PRKCA: variants seen among roughly 807,000 people sequenced by gnomAD.
PRKCA encodes protein kinase C alpha type.
PRKCA carries 27 observed loss-of-function variants against 87.0 expected under a neutral mutation model. The ratio of observed to expected loss-of-function variants is 0.31; its 90% confidence interval spans 0.23 to 0.43. The LOEUF (loss-of-function observed/expected upper bound fraction) is 0.43. PRKCA is among the 20% of genes least tolerant of loss of function. The probability of loss-of-function intolerance (pLI) is 1.00; values close to 1 mark genes in which losing one functional copy is unlikely to be tolerated. For synonymous variants in PRKCA, 329 were observed against 311.1 expected, an observed-to-expected ratio of 1.06 and a Z score of -0.61; for missense variants, 518 against 852.3, an observed-to-expected ratio of 0.61 and a Z score of 4.88.
At chr17:66,404,464 G>A (rs1159661231) in intron 2 of PRKCA, among the ~76,000 whole-genome samples, 1 of 152,132 alleles carries the variant, frequency 6.6e-6, no homozygotes, top group Non-Finnish European at 1.5e-5. Flanking sequence ...ACTATTCTTA[G>A]TGTTTATGTC....
intron 8 of PRKCA, among the ~76,000 whole-genome samples, chr17:66,725,617 C>T (rs1325901818): frequency 2.0e-5 from 3 of 151,368 alleles, no homozygotes; most frequent in Non-Finnish European, 4.4e-5. Flanking sequence ...TTGAGACCAG[C>T]CTGGGCAACA....
chr17:66,724,247 GA>G (rs1973686311), intron 8 of PRKCA, among the ~76,000 whole-genome samples: 1 of 151,162 alleles, frequency 6.6e-6, no homozygotes, highest in African/African-American at 2.4e-5. Context: ...AGTGAGCCAA[GA>G]TCGCGCCACT....
intron 2 of PRKCA, among the ~76,000 whole-genome samples, chr17:66,331,656 A>G (rs369961799): frequency 2.9e-4 from 44 of 152,202 alleles, no homozygotes; most frequent in Non-Finnish European, 4.1e-4. Flanking sequence ...CTTCAGCTCA[A>G]AAACACTTCC....
In PRKCA at chr17:66,319,781, G is replaced by A. The variant is rs181917667; in HGVS notation, c.205+13654G>A. Among the ~76,000 whole-genome samples the A allele has an allele frequency of 8.6e-5, 13 of 151,082 alleles. No individual in the cohort carries two copies. In the East Asian group the frequency reaches 1.4e-3, roughly 16 times the overall value. On this transcript the variant is annotated intron_variant, in intron 2 of 16. Coordinates refer to ENST00000413366, the MANE Select transcript of PRKCA (RefSeq NM_002737.3). ...ATTTGAGACAGAGTCTTGCTCTGTCGCTCAAGGTGGGGTACAGTGGTGTGA... is the reference window on the plus strand; with the variant it reads ...ATTTGAGACAGAGTCTTGCTCTGTCACTCAAGGTGGGGTACAGTGGTGTGA...
chr17:66,396,907 T>C (rs1252533253), intron 2 of PRKCA, among the ~76,000 whole-genome samples: 2 of 151,602 alleles, frequency 1.3e-5, no homozygotes, highest in African/African-American at 4.8e-5. Context: ...GAATATCTAA[T>C]TATTGCAGTA....
At chr17:66,336,641 G>GTAAAT (rs1462264333) in intron 2 of PRKCA, among the ~76,000 whole-genome samples, 10 of 131,860 alleles carry the variant, frequency 7.6e-5, no homozygotes, top group Non-Finnish European at 1.2e-4. Flanking sequence ...CTGTTATATA[G>GTAAAT]TAAATTATTA....
At chr17:66,697,709 T>C (rs1315054385) in intron 8 of PRKCA, among the ~76,000 whole-genome samples, 1 of 152,178 alleles carries the variant, frequency 6.6e-6, no homozygotes, top group East Asian at 1.9e-4. Flanking sequence ...CTGCTGGCCC[T>C]CTGAAGTGTT....
chr17:66,733,387 G>C (rs1272008134), intron 9 of PRKCA, among the ~76,000 whole-genome samples: 2 of 152,154 alleles, frequency 1.3e-5, no homozygotes, highest in Admixed American at 6.5e-5. Flanking sequence ...AACAGGTTTG[G>C]GGGGAAAGCT....
chr17:66,740,876 C>T (rs920516575), intron 11 of PRKCA, among the ~76,000 whole-genome samples: 23 of 152,296 alleles, frequency 1.5e-4, no homozygotes, highest in Admixed American at 7.8e-4. Context: ...CACCCTCCCC[C>T]TTTCTGTACT....
intron 2 of PRKCA, among the ~76,000 whole-genome samples, chr17:66,313,090 C>T (rs1408313785): frequency 1.3e-5 from 2 of 152,154 alleles, no homozygotes; most frequent in Non-Finnish European, 2.9e-5. Context: ...TCTGTTTCCT[C>T]TGCCAGTTTT....
At chr17:66,458,205 A>G (rs1433831356) in intron 2 of PRKCA, among the ~76,000 whole-genome samples, 1 of 152,220 alleles carries the variant, frequency 6.6e-6, no homozygotes, top group African/African-American at 2.4e-5. Flanking sequence ...AAGAAAGCCT[A>G]TTTCGCAGAA....
At chr17:66,424,311 C>A (rs1221674081) in intron 2 of PRKCA, among the ~76,000 whole-genome samples, 1 of 152,110 alleles carries the variant, frequency 6.6e-6, no homozygotes, top group African/African-American at 2.4e-5. Context: ...CGGTGGCTCA[C>A]GCCTGTAATC....
intron 5 of PRKCA, among the ~76,000 whole-genome samples, chr17:66,646,962 C>T (rs1273989127): frequency 6.6e-6 from 1 of 152,074 alleles, no homozygotes; most frequent in Non-Finnish European, 1.5e-5. Context: ...CAAGACCATC[C>T]CTATTGTGCC....
intron 2 of PRKCA, among the ~76,000 whole-genome samples, chr17:66,314,875 A>ATATATGTG (rs376227848): frequency 6.7e-6 from 1 of 148,560 alleles, no homozygotes; most frequent in African/African-American, 2.5e-5. Flanking sequence ...ATATATATAT[A>ATATATGTG]TGTGTGTGTG....
intron 5 of PRKCA, among the ~76,000 whole-genome samples, chr17:66,655,627 C>T (rs536167499): frequency 6.6e-6 from 1 of 152,224 alleles, no homozygotes; most frequent in African/African-American, 2.4e-5. Context: ...GTCATAAGTC[C>T]TTTGAGGTCA....
intron 2 of PRKCA, among the ~76,000 whole-genome samples, chr17:66,460,522 C>A (rs547117010): frequency 2.6e-5 from 4 of 152,064 alleles, no homozygotes; most frequent in Non-Finnish European, 4.4e-5. Context: ...TTATTTTTTC[C>A]GAATTGCAGC....
chr17:66,663,717 T>C lies in PRKCA; in HGVS notation c.529+18206T>C, dbSNP rs751021281. 2.6e-5 allele frequency among the ~76,000 whole-genome samples: 4 copies of C among 152,174 alleles called. No individual in the cohort carries two copies. The East Asian group carries it at 7.7e-4, about 29-fold the overall frequency. On this transcript the variant is annotated intron_variant, in intron 5 of 16. Transcript: ENST00000413366. ...TTAATTATGCCACTAGAAATACAAA[T>C]GGAGCAATTTTCTTGTGCCAGGCAG...
At chr17:66,487,396 C>T (rs2144076908) in intron 2 of PRKCA, among the ~76,000 whole-genome samples, 1 of 152,302 alleles carries the variant, frequency 6.6e-6, no homozygotes, top group South Asian at 2.1e-4. Context: ...TGTAGACATA[C>T]TACGTCTTCC....
intron 3 of PRKCA, among the ~76,000 whole-genome samples, chr17:66,579,395 G>T (rs999441846): frequency 6.6e-6 from 1 of 152,194 alleles, no homozygotes; most frequent in African/African-American, 2.4e-5. Flanking sequence ...TGTGAAAGTC[G>T]TGATGGGAAA....
Sources: allele counts gnomAD v4.1 joint callset (sites outside exome capture counted in the v4.1 genomes callset), GRCh38; gene constraint gnomAD v4.1.1; transcripts MANE v1.5; gene names NCBI Gene and HGNC (gene_info 2026-07-23, HGNC 2026-07-21).